FILIP1L: variants seen among roughly 807,000 people sequenced by gnomAD.
FILIP1L encodes filamin A-interacting protein 1-like.
Under a neutral mutation model 96.6 loss-of-function variants are expected in FILIP1L, and 55 were observed. The observed-to-expected ratio is 0.57, with a 90% CI of 0.46 to 0.71. FILIP1L has a LOEUF of 0.71. Ranked by LOEUF, FILIP1L falls within the 30% of genes least tolerant of loss-of-function variation. FILIP1L has a pLI of 0.00. For missense variants in FILIP1L, 1,304 were observed against 1,321.2 expected (o/e 0.99, Z 0.20); for synonymous variants, 467 against 473.9 (o/e 0.99, Z 0.19).
At chr3:100,104,379 T>G (rs1200670401) in intron 1 of FILIP1L, among the ~76,000 whole-genome samples, 2 of 152,216 alleles carry the variant, frequency 1.3e-5, no homozygotes, top group Non-Finnish European at 2.9e-5. Flanking sequence ...ATTCAATAAC[T>G]CTGAGCTACA....
chr3:99,954,535 G>T (rs1708265067), intron 1 of FILIP1L, among the ~76,000 whole-genome samples: 1 of 152,202 alleles, frequency 6.6e-6, no homozygotes, highest in Admixed American at 6.5e-5. Flanking sequence ...TATAAAATAA[G>T]AATAACTGGG....
chr3:99,909,900 A>G (rs1706739229), intron 4 of FILIP1L, among the ~76,000 whole-genome samples: 1 of 152,138 alleles, frequency 6.6e-6, no homozygotes. Flanking sequence ...AACCCTTCAT[A>G]TTCAGAGTTC....
In FILIP1L at chr3:99,850,341, T is replaced by C; in HGVS notation, c.1335A>G (p.Lys445=). ...NKSKQECYSL[K]CNLEKERMTT... ...TCATCCTTTCTTTTTCTAAATTGCA[T>C]TTCAGAGAGTAGCATTCTTGTTTGC... Residue 445 remains lysine, a synonymous_variant, in exon 5 of 6, where the codon AAA becomes AAG. Transcript: ENST00000477258. 1 of 1,613,048 alleles carries C rather than the reference T, an allele frequency of 6.2e-7. No homozygotes were observed. Among genetic ancestry groups the C allele is most frequent in the Non-Finnish European group, 8.5e-7 (1 of 1,179,824 alleles).
At chr3:100,104,662 T>C (rs1407413335) in intron 1 of FILIP1L, among the ~76,000 whole-genome samples, 1 of 152,172 alleles carries the variant, frequency 6.6e-6, no homozygotes. Context: ...TTTTCCTGTT[T>C]TGCAGGAGTA....
chr3:100,055,797 T>G (rs2107329662), intron 1 of FILIP1L, among the ~76,000 whole-genome samples: 1 of 152,348 alleles, frequency 6.6e-6, no homozygotes, highest in Middle Eastern at 3.4e-3. Flanking sequence ...TTCAGAAATT[T>G]TTTAATATTG....
intron 1 of FILIP1L, among the ~76,000 whole-genome samples, chr3:100,025,048 C>T (rs919145871): frequency 1.3e-5 from 2 of 152,176 alleles, no homozygotes. Flanking sequence ...TACTAATTAA[C>T]ACGCATTTTT....
chr3:99,850,199 G>C lies in FILIP1L; in HGVS notation c.1477C>G (p.Leu493Val), dbSNP rs1315715370. ...ACAAACATCACAGTTAATGTTTTCA[G>C]TTTAGTTAAATCCTCTTTTAGAGTG... ...EFTLKEDLTK[L>V]KTLTVMFVDE... is the part of the protein sequence containing the mutation. The change falls in exon 5 of 6, where the codon CTG (leucine) becomes GTG (valine). Residue 493 changes from leucine (L) to valine (V), a missense_variant. Coordinates refer to ENST00000477258, the MANE Select transcript of FILIP1L (RefSeq NM_001387850.1). The C allele has an allele frequency of 1.2e-6, 2 of 1,612,484 alleles. No homozygotes were observed. The highest frequency in any genetic ancestry group is 1.7e-6 in the Non-Finnish European group (2 of 1,179,890).
rs374282857 is a variant in FILIP1L at position 99,849,928 on chromosome 3, G to C, written c.1748C>G (p.Ser583Ter). The C allele has an allele frequency of 6.2e-7, 1 of 1,612,604 alleles. No homozygotes were observed. The highest frequency in any genetic ancestry group is 1.3e-5 in the African/African-American group (1 of 74,824). The change falls in exon 5 of 6, where the codon TCA becomes TGA. Residue 583 changes from serine (S) to a stop codon, truncating the protein, a stop_gained. Coordinates refer to ENST00000477258, the MANE Select transcript of FILIP1L (RefSeq NM_001387850.1). LOFTEE classifies it high-confidence loss of function. ...CCTATTTTTCAACATATTAACTCTT[G>C]ACAGGAGATCATTTCCTTTCTCTTC... is the stretch of plus-strand genomic sequence containing the variant. Reference protein sequence around the residue: ...AEEEKGNDLLSRVNMLKNRLQ... With the variant: ...AEEEKGNDLL
intron 1 of FILIP1L, among the ~76,000 whole-genome samples, chr3:100,031,959 G>A (rs2065028597): frequency 6.6e-6 from 1 of 151,858 alleles, no homozygotes; most frequent in South Asian, 2.1e-4. Context: ...AGTTAAATTT[G>A]AATTTTATGT....
At chr3:100,037,158 G>T (rs1284715319) in intron 1 of FILIP1L, among the ~76,000 whole-genome samples, 1 of 151,020 alleles carries the variant, frequency 6.6e-6, no homozygotes, top group African/African-American at 2.5e-5. Flanking sequence ...ACATAATGTT[G>T]TGCTTATATA....
rs192675643 is a variant in FILIP1L, at chr3:99,841,134, C to T, written c.3381+7161G>A. 3.3e-5 allele frequency among the ~76,000 whole-genome samples: 5 copies of T among 152,314 alleles called. No individual in the cohort carries two copies. The East Asian group carries it at 7.7e-4, about 24-fold the overall frequency. On this transcript the variant is annotated intron_variant, in intron 5 of 5. Coordinates refer to ENST00000477258, the MANE Select transcript of FILIP1L (RefSeq NM_001387850.1). The stretch of plus-strand genomic sequence containing the variant: ...TGTACATGTGATGCTTTGAAGAAAA[C>T]ATATTGCATACTAAGACACTGCGCA...
chr3:100,054,551 T>C (rs1236285018), intron 1 of FILIP1L, among the ~76,000 whole-genome samples: 3 of 152,160 alleles, frequency 2.0e-5, no homozygotes, highest in Non-Finnish European at 2.9e-5. Flanking sequence ...TGTCATGTTA[T>C]GTTGTTACCT....
chr3:99,876,681 G>C (rs1171376737), intron 4 of FILIP1L, among the ~76,000 whole-genome samples: 1 of 152,094 alleles, frequency 6.6e-6, no homozygotes, highest in Non-Finnish European at 1.5e-5. Flanking sequence ...TAATGAGTAG[G>C]GGTCCTCAGA....
intron 1 of FILIP1L, among the ~76,000 whole-genome samples, chr3:100,007,504 G>A (rs181504769): frequency 6.6e-6 from 1 of 152,218 alleles, no homozygotes; most frequent in Admixed American, 6.5e-5. Context: ...AGATGCAAAA[G>A]TCTAGTCAGC....
chr3:99,848,040 C>G, intron 5 of FILIP1L: 1 of 1,221,894 alleles, frequency 8.2e-7, no homozygotes, highest in Non-Finnish European at 1.0e-6. Context: ...TGTATTTATA[C>G]AAGTGCAGAC....
intron 4 of FILIP1L, among the ~76,000 whole-genome samples, chr3:99,883,060 C>T (rs746909330): frequency 6.6e-6 from 1 of 152,146 alleles, no homozygotes; most frequent in African/African-American, 2.4e-5. Context: ...CACTAAGCAT[C>T]CAGTCTACAT....
chr3:100,085,083 C>T (rs1055064995), intron 1 of FILIP1L, among the ~76,000 whole-genome samples: 1 of 152,184 alleles, frequency 6.6e-6, no homozygotes, highest in East Asian at 1.9e-4. Flanking sequence ...AGCCGTATCC[C>T]CTAAAGTGGT....
chr3:100,104,498 C>T (rs531847851), intron 1 of FILIP1L, among the ~76,000 whole-genome samples: 1 of 152,254 alleles, frequency 6.6e-6, no homozygotes, highest in East Asian at 1.9e-4. Context: ...GTTAGCAGTT[C>T]ACAACTTTGT....
At chr3:99,998,701 T>C (rs1453909674) in intron 1 of FILIP1L, among the ~76,000 whole-genome samples, 3 of 152,180 alleles carry the variant, frequency 2.0e-5, no homozygotes, top group Non-Finnish European at 4.4e-5. Context: ...TAGCTGGGAC[T>C]ACAAGCACAT....
Sources: allele counts gnomAD v4.1 joint callset (sites outside exome capture counted in the v4.1 genomes callset), GRCh38; gene constraint gnomAD v4.1.1; transcripts MANE v1.5; gene names NCBI Gene and HGNC (gene_info 2026-07-23, HGNC 2026-07-21).